GALNTL6: variants seen among roughly 807,000 people sequenced by gnomAD.
The protein encoded by GALNTL6 is polypeptide N-acetylgalactosaminyltransferase like 6, also known as polypeptide N-acetylgalactosaminyltransferase-like 6.
A neutral mutation model predicts 73.7 loss-of-function variants in GALNTL6; 46 were observed. That is an observed-to-expected ratio of 0.62 (90% CI 0.49 to 0.80). The LOEUF (loss-of-function observed/expected upper bound fraction) is 0.80. GALNTL6 is among the 30% of genes least tolerant of loss of function. GALNTL6 has a pLI of 0.00. For synonymous variants in GALNTL6, 259 were observed against 263.7 expected, an observed-to-expected ratio of 0.98 and a Z score of 0.17; for missense variants, 604 against 755.0, an observed-to-expected ratio of 0.80 and a Z score of 2.34.
At chr4:171,886,067 A>G (rs900008597) in intron 2 of GALNTL6, among the ~76,000 whole-genome samples, 2 of 152,128 alleles carry the variant, frequency 1.3e-5, no homozygotes, top group Non-Finnish European at 2.9e-5. Flanking sequence ...TTTTAACCAC[A>G]TAAAGTTGCT....
intron 2 of GALNTL6, among the ~76,000 whole-genome samples, chr4:171,854,779 T>C (rs1735638344): frequency 6.6e-6 from 1 of 152,156 alleles, no homozygotes; most frequent in Non-Finnish European, 1.5e-5. Flanking sequence ...CTCTGGAATC[T>C]CTTTTATAAG....
At chr4:172,301,547 G>C (rs978318498) in intron 3 of GALNTL6, among the ~76,000 whole-genome samples, 6 of 152,110 alleles carry the variant, frequency 3.9e-5, no homozygotes, top group African/African-American at 1.4e-4. Flanking sequence ...TGGGGTTTTG[G>C]TGTGGATGTC....
At chr4:172,104,380 TC>T (rs1219909651) in intron 2 of GALNTL6, among the ~76,000 whole-genome samples, 1 of 152,032 alleles carries the variant, frequency 6.6e-6, no homozygotes, top group Non-Finnish European at 1.5e-5. Context: ...TCAAGAAACA[TC>T]GACTTAAATT....
At chr4:172,304,069 A>G (rs1237883199) in intron 3 of GALNTL6, among the ~76,000 whole-genome samples, 2 of 63,056 alleles carry the variant, frequency 3.2e-5, no homozygotes, top group Non-Finnish European at 8.6e-5. Flanking sequence ...TTAAATCACA[A>G]TATTCTGGGT....
chr4:171,815,405 A>T (rs1219755507), intron 2 of GALNTL6: 1 of 152,318 alleles, frequency 6.6e-6, no homozygotes, highest in African/African-American at 2.4e-5. Context: ...TTTTCTTTCT[A>T]CTTAATATGT....
chr4:172,182,214 A>T (rs1206918389), intron 2 of GALNTL6, among the ~76,000 whole-genome samples: 1 of 152,170 alleles, frequency 6.6e-6, no homozygotes, highest in Non-Finnish European at 1.5e-5. Context: ...GATGTGAAAG[A>T]CCTCTTCATG....
chr4:172,300,947 A>G (rs150548374), intron 3 of GALNTL6, among the ~76,000 whole-genome samples: 1,826 of 152,078 alleles, frequency 0.012, 31 homozygotes, highest in Middle Eastern at 0.027. Context: ...CTCCTGGATA[A>G]TTTCCTGCAG....
At chr4:173,035,621 T>C (rs1336718125) in intron 12 of GALNTL6, among the ~76,000 whole-genome samples, 2 of 152,228 alleles carry the variant, frequency 1.3e-5, no homozygotes, top group Non-Finnish European at 2.9e-5. Context: ...ACTCAACTGA[T>C]GTGATTAATG....
intron 2 of GALNTL6, among the ~76,000 whole-genome samples, chr4:172,134,477 T>C (rs1422051158): frequency 6.6e-6 from 1 of 151,734 alleles, no homozygotes; most frequent in African/African-American, 2.4e-5. Context: ...GATAAAGATA[T>C]AAGAAAAATA....
chr4:172,554,288 A>G (rs889151935), intron 5 of GALNTL6, among the ~76,000 whole-genome samples: 1 of 152,190 alleles, frequency 6.6e-6, no homozygotes, highest in Non-Finnish European at 1.5e-5. Flanking sequence ...ATATTGGTGA[A>G]TTGGTATGGT....
intron 5 of GALNTL6, among the ~76,000 whole-genome samples, chr4:172,433,951 C>A (rs1482456235): frequency 6.6e-6 from 1 of 152,086 alleles, no homozygotes; most frequent in Non-Finnish European, 1.5e-5. Context: ...AGTTTACATA[C>A]TCACATACAT....
At chr4:172,993,764 A>C (rs1751646310) in intron 10 of GALNTL6, among the ~76,000 whole-genome samples, 1 of 152,084 alleles carries the variant, frequency 6.6e-6, no homozygotes, top group East Asian at 1.9e-4. Flanking sequence ...AGAAAGGATA[A>C]ATCTTGGCTT....
intron 5 of GALNTL6, among the ~76,000 whole-genome samples, chr4:172,704,925 C>T (rs1734239474): frequency 1.3e-5 from 2 of 151,684 alleles, no homozygotes; most frequent in African/African-American, 2.4e-5. Flanking sequence ...CTCTGTTCTC[C>T]CTATATAATG....
chr4:172,493,878 T>A (rs533864559), intron 5 of GALNTL6, among the ~76,000 whole-genome samples: 2 of 152,246 alleles, frequency 1.3e-5, no homozygotes, highest in South Asian at 4.1e-4. Flanking sequence ...CCTCATACCC[T>A]CCCCTTCCAA....
At chr4:172,432,061 A>T in intron 5 of GALNTL6, among the ~76,000 whole-genome samples, 1 of 152,110 alleles carries the variant, frequency 6.6e-6, no homozygotes, top group East Asian at 1.9e-4. Context: ...AAAATAAAAT[A>T]GCGCTTTCTA....
intron 7 of GALNTL6, among the ~76,000 whole-genome samples, chr4:172,852,486 G>GGT (rs1743883245): frequency 6.6e-6 from 1 of 152,118 alleles, no homozygotes; most frequent in South Asian, 2.1e-4. Context: ...AGAGTTTCTG[G>GGT]GTGAGCAGCC....
At chr4:172,008,885 G>A (rs1262564812) in intron 2 of GALNTL6, among the ~76,000 whole-genome samples, 2 of 152,062 alleles carry the variant, frequency 1.3e-5, no homozygotes, top group Non-Finnish European at 2.9e-5. Context: ...ATGTCTGTGT[G>A]TAGAGGAGGG....
intron 2 of GALNTL6, among the ~76,000 whole-genome samples, chr4:171,901,457 C>A (rs1422941425): frequency 1.3e-5 from 2 of 152,098 alleles, no homozygotes; most frequent in Non-Finnish European, 2.9e-5. Context: ...AGCAGGGAAA[C>A]AATTACAACT....
At chr4:171,987,933 A>G (rs947738288) in intron 2 of GALNTL6, among the ~76,000 whole-genome samples, 1 of 152,214 alleles carries the variant, frequency 6.6e-6, no homozygotes, top group African/African-American at 2.4e-5. Flanking sequence ...CAGGCCAGGA[A>G]CAATGGTAAT....
Sources: allele counts gnomAD v4.1 joint callset (sites outside exome capture counted in the v4.1 genomes callset), GRCh38; gene constraint gnomAD v4.1.1; transcripts MANE v1.5; gene names NCBI Gene and HGNC (gene_info 2026-07-23, HGNC 2026-07-21).